The following MARCHF1 variants were observed in gnomAD, a reference collection of about 807,000 sequenced individuals.
MARCHF1 encodes membrane associated ring-CH-type finger 1, also known as E3 ubiquitin-protein ligase MARCHF1.
In MARCHF1, 40 loss-of-function variants were observed where a neutral mutation model predicts 54.2. The ratio of observed to expected loss-of-function variants is 0.74; its 90% CI spans 0.57 to 0.96. The LOEUF is 0.96. Among genes scored for constraint, MARCHF1 ranks in the 40% least tolerant of loss-of-function variants. MARCHF1 has a pLI of 0.00. For missense variants in MARCHF1, 586 were observed against 656.5 expected (o/e 0.89, Z 1.17); for synonymous variants, 236 against 236.3 (o/e 1.00, Z 0.01).
chr4:163,852,737 G>A (rs1749674969), intron 4 of MARCHF1, among the ~76,000 whole-genome samples: 1 of 152,108 alleles, frequency 6.6e-6, no homozygotes, highest in Non-Finnish European at 1.5e-5. Flanking sequence ...TCTTTCAGAT[G>A]ATTTCTCTTA....
intron 2 of MARCHF1, among the ~76,000 whole-genome samples, chr4:164,007,162 C>T (rs1346452577): frequency 8.0e-5 from 12 of 150,114 alleles, no homozygotes; most frequent in African/African-American, 1.2e-4. Flanking sequence ...CTGGCTAGCA[C>T]GGTAAAACCC....
At chr4:163,939,759 G>T (rs114466749) in intron 3 of MARCHF1, among the ~76,000 whole-genome samples, 2,115 of 152,256 alleles carry the variant, frequency 0.014, 46 homozygotes, top group African/African-American at 0.046. Flanking sequence ...AGGGACATTT[G>T]TGGTTGGGGT....
At chr4:164,176,956 C>CCA (rs1730682761) in intron 1 of MARCHF1, among the ~76,000 whole-genome samples, 1 of 39,816 alleles carries the variant, frequency 2.5e-5, no homozygotes, top group Non-Finnish European at 4.4e-5. Flanking sequence ...CTCTCTCTCT[C>CCA]TCTCTCTCTC....
intron 4 of MARCHF1, among the ~76,000 whole-genome samples, chr4:163,773,966 T>G (rs1277493761): frequency 6.6e-6 from 1 of 152,086 alleles, no homozygotes; most frequent in Non-Finnish European, 1.5e-5. Context: ...ATCATATCTG[T>G]TTTTTATGCT....
At chr4:164,179,912 AAT>A (rs1169974513) in intron 1 of MARCHF1, among the ~76,000 whole-genome samples, 1 of 150,416 alleles carries the variant, frequency 6.6e-6, no homozygotes. Context: ...GGAGAATTTG[AAT>A]ACTGGCTAAA....
chr4:164,371,713 T>A (rs893698504), intron 1 of MARCHF1, among the ~76,000 whole-genome samples: 1 of 152,222 alleles, frequency 6.6e-6, no homozygotes, highest in Admixed American at 6.5e-5. Context: ...AAAAGTTTGA[T>A]AATACGTTAT....
intron 5 of MARCHF1, among the ~76,000 whole-genome samples, chr4:163,667,321 T>C (rs1230402872): frequency 9.9e-5 from 15 of 152,088 alleles, no homozygotes; most frequent in East Asian, 1.9e-4. Context: ...CACCAACAAG[T>C]GAAAAGCACC....
chr4:163,816,053 C>T (rs754666365), intron 4 of MARCHF1, among the ~76,000 whole-genome samples: 14 of 152,160 alleles, frequency 9.2e-5, no homozygotes, highest in Non-Finnish European at 1.6e-4. Context: ...ACTTATTTCA[C>T]GGCAACCATA....
chr4:164,140,146 G>A (rs1458188861), intron 1 of MARCHF1, among the ~76,000 whole-genome samples: 1 of 150,900 alleles, frequency 6.6e-6, no homozygotes, highest in East Asian at 1.9e-4. Flanking sequence ...AGATATTAAA[G>A]ATACATAGGC....
In MARCHF1 at chr4:163,909,390, C is replaced by T. The variant is rs146284630; in HGVS notation, c.-38-55221G>A. Among the ~76,000 whole-genome samples, 160 of 152,278 alleles carry T rather than the reference C, an allele frequency of 1.1e-3. 7 individuals carry two copies. The East Asian group carries it at 0.025, about 24-fold the overall frequency. ...TCATTGCAAGCCCATAAATTGTGTC[C>T]TACTGTGGTAAATATAAATGACACT... On this transcript the variant is annotated intron_variant, in intron 3 of 9. Transcript: ENST00000514618.
In MARCHF1 at chr4:163,907,721, C is replaced by T. The variant is rs568916567; in HGVS notation, c.-38-53552G>A. Among the ~76,000 whole-genome samples the T allele has an allele frequency of 2.0e-5, 3 of 152,166 alleles. No homozygotes were observed. In the South Asian group the frequency reaches 6.2e-4, roughly 32 times the overall value. The stretch of plus-strand genomic sequence containing the variant: ...ATTTGATATGGGCAGCCTGCCTTGT[C>T]CATTTTGATTCATTTCTCCTATCTA... On this transcript the variant is annotated intron_variant, in intron 3 of 9. Coordinates refer to ENST00000514618, the MANE Select transcript of MARCHF1 (RefSeq NM_001394959.1).
rs1738236581 is a variant in MARCHF1, at chr4:163,528,769, G to A, written c.1617C>T (p.Pro539=). 2 of 1,611,666 alleles carry A rather than the reference G, an allele frequency of 1.2e-6. No homozygotes were observed. Among genetic ancestry groups the A allele is most frequent in the East Asian group, 2.2e-5 (1 of 44,872 alleles). ...TCCATCAGACTGATACAACTTCAGG[G>A]GGGCCACCCTCTGCAGATGGCAGTG... ...ANSLPSAEGG[P]PEVVSV The change falls in exon 10 of 10, where the codon CCC becomes CCT. Residue 539 remains proline, a synonymous_variant. Coordinates refer to ENST00000514618, the MANE Select transcript of MARCHF1 (RefSeq NM_001394959.1).
chr4:164,371,818 TACA>T (rs1008221687), intron 1 of MARCHF1, among the ~76,000 whole-genome samples: 3 of 152,232 alleles, frequency 2.0e-5, no homozygotes, highest in African/African-American at 7.2e-5. Flanking sequence ...TTAATCCCAC[TACA>T]ACATTTTCAC....
At chr4:163,531,257 AC>A (rs1282604737) in intron 9 of MARCHF1, among the ~76,000 whole-genome samples, 1 of 151,944 alleles carries the variant, frequency 6.6e-6, no homozygotes, top group Non-Finnish European at 1.5e-5. Context: ...ATTGAATTCA[AC>A]AATGTATAAA....
At chr4:164,276,584 G>T (rs1733888311) in intron 1 of MARCHF1, among the ~76,000 whole-genome samples, 1 of 150,814 alleles carries the variant, frequency 6.6e-6, no homozygotes, top group Non-Finnish European at 1.5e-5. Context: ...TAACATAAAG[G>T]TGACATTTTA....
rs368751202 is a variant in MARCHF1 at position 164,124,041 on chromosome 4, A to G, written c.-322-12379T>C. Among the ~76,000 whole-genome samples, 186 of 152,192 alleles carry G rather than the reference A, an allele frequency of 1.2e-3. 1 individual carries two copies. Among genetic ancestry groups the G allele is most frequent in the African/African-American group, 4.3e-3 (179 of 41,512 alleles). ...AATAACAGAATATACAAGGAACTCA[A>G]TCAACTCTACAGGAAAAAAATTGTA... is the stretch of plus-strand genomic sequence containing the variant. On this transcript the variant is annotated intron_variant, in intron 1 of 9. Transcript: ENST00000514618.
intron 4 of MARCHF1, among the ~76,000 whole-genome samples, chr4:163,808,630 G>T (rs1047561896): frequency 1.3e-5 from 2 of 152,142 alleles, no homozygotes; most frequent in Non-Finnish European, 2.9e-5. Flanking sequence ...GTGCAGTGGC[G>T]TGATCTCGGC....
rs576172986 is a variant in MARCHF1 at position 164,309,992 on chromosome 4, TA to T, written c.-323+73877del. ...CACAACAAATCATGTTCCTTTTTTT[TA>T]ATTAAAAAAAAATCTGTAGGTACAT... On this transcript the variant is annotated intron_variant, in intron 1 of 9. Coordinates refer to ENST00000514618, the MANE Select transcript of MARCHF1 (RefSeq NM_001394959.1). Among the ~76,000 whole-genome samples the T allele has an allele frequency of 1.3e-3, 195 of 152,168 alleles. 3 individuals carry two copies. Among genetic ancestry groups the T allele is most frequent in the Non-Finnish European group, 3.1e-4 (21 of 67,990 alleles).
intron 2 of MARCHF1, among the ~76,000 whole-genome samples, chr4:164,033,921 T>G (rs573462261): frequency 3.3e-4 from 50 of 152,318 alleles, no homozygotes; most frequent in African/African-American, 1.1e-3. Context: ...ATCTCATTAC[T>G]GGGTATATAC....
Sources: allele counts gnomAD v4.1 joint callset (sites outside exome capture counted in the v4.1 genomes callset), GRCh38; gene constraint gnomAD v4.1.1; transcripts MANE v1.5; gene names NCBI Gene and HGNC (gene_info 2026-07-23, HGNC 2026-07-21).